KCNQ3: variants seen among roughly 807,000 people sequenced by gnomAD.
KCNQ3 encodes potassium voltage-gated channel subfamily Q member 3, also known as potassium voltage-gated channel subfamily KQT member 3.
A neutral mutation model predicts 92.5 loss-of-function variants in KCNQ3; 30 were observed. That is an observed-to-expected ratio of 0.32 (90% CI 0.24 to 0.44). The LOEUF (loss-of-function observed/expected upper bound fraction) is 0.44. Ranked by LOEUF, KCNQ3 falls within the 20% of genes least tolerant of loss-of-function variation. KCNQ3 has a pLI of 1.00. For synonymous variants in KCNQ3, 450 were observed against 468.8 expected (o/e 0.96, Z 0.52); for missense variants, 913 against 1,140.3 (o/e 0.80, Z 2.87).
chr8:132,239,387 T>G (rs1814916125), intron 1 of KCNQ3, among the ~76,000 whole-genome samples: 1 of 152,228 alleles, frequency 6.6e-6, no homozygotes, highest in Non-Finnish European at 1.5e-5. Context: ...TTAACACCTC[T>G]GTAAGTACCA....
intron 1 of KCNQ3, among the ~76,000 whole-genome samples, chr8:132,311,439 G>A (rs540567702): frequency 7.0e-4 from 106 of 152,278 alleles, no homozygotes; most frequent in African/African-American, 2.3e-3. Context: ...TGTGTAAACC[G>A]TCCTTAAGGA....
At chr8:132,466,972 C>A (rs1165409367) in intron 1 of KCNQ3, among the ~76,000 whole-genome samples, 1 of 152,182 alleles carries the variant, frequency 6.6e-6, no homozygotes, top group Non-Finnish European at 1.5e-5. Context: ...GGCTCAGTGT[C>A]GGCTTCTGGT....
intron 1 of KCNQ3, among the ~76,000 whole-genome samples, chr8:132,230,463 GA>G (rs1563815465): frequency 6.6e-6 from 1 of 151,478 alleles, no homozygotes; most frequent in Non-Finnish European, 1.5e-5. Context: ...GAGAGAGAGA[GA>G]GAGAGAGAGA....
chr8:132,257,268 T>C (rs1442042577), intron 1 of KCNQ3, among the ~76,000 whole-genome samples: 1 of 152,056 alleles, frequency 6.6e-6, no homozygotes, highest in Non-Finnish European at 1.5e-5. Flanking sequence ...ATTAAAGCAG[T>C]GCACTAGACA....
At chr8:132,392,790 CAAAAAA>C (rs56183412) in intron 1 of KCNQ3, among the ~76,000 whole-genome samples, 4 of 72,646 alleles carry the variant, frequency 5.5e-5, no homozygotes, top group Non-Finnish European at 9.2e-5. Flanking sequence ...GAACCTGTCT[CAAAAAA>C]AAAAAAAAAA....
chr8:132,346,228 C>T (rs993416696), intron 1 of KCNQ3, among the ~76,000 whole-genome samples: 3 of 152,112 alleles, frequency 2.0e-5, no homozygotes, highest in African/African-American at 7.2e-5. Context: ...AGCTAATCTA[C>T]AAGTGGGTCT....
rs528597885 is a variant in KCNQ3, at chr8:132,125,300, T to G, written c.*3962A>C. 3 of 152,360 alleles carry G rather than the reference T, an allele frequency of 2.0e-5. No homozygotes were observed. In the East Asian group the frequency reaches 5.8e-4, roughly 29 times the overall value. The allele number at this position is 152,360 out of a possible 1,614,324, so 9.4% of individuals were successfully genotyped here. A position where few individuals can be genotyped will look rare whatever the true frequency, so the allele number is the denominator to read the frequency against. ...TGATGTAGAACCTTTGCTCTCATTT[T>G]CATGTTCAATTTTCTATAGTTTCCA... On this transcript the variant is annotated 3_prime_UTR_variant, in exon 15 of 15. Transcript: ENST00000388996.
At chr8:132,454,086 G>A (rs770714515) in intron 1 of KCNQ3, among the ~76,000 whole-genome samples, 2 of 152,344 alleles carry the variant, frequency 1.3e-5, no homozygotes, top group Non-Finnish European at 1.5e-5. Context: ...GCTCTTACTT[G>A]CAAGAGAACC....
chr8:132,355,814 C>G (rs1386851150), intron 1 of KCNQ3, among the ~76,000 whole-genome samples: 1 of 152,212 alleles, frequency 6.6e-6, no homozygotes, highest in Non-Finnish European at 1.5e-5. Flanking sequence ...TCTAGGCTTA[C>G]TGGACCTCTG....
chr8:132,354,428 A>G (rs1818959822), intron 1 of KCNQ3, among the ~76,000 whole-genome samples: 1 of 152,200 alleles, frequency 6.6e-6, no homozygotes, highest in Non-Finnish European at 1.5e-5. Flanking sequence ...TGGCTTGGTA[A>G]GAAAGGAATC....
intron 1 of KCNQ3, among the ~76,000 whole-genome samples, chr8:132,290,330 C>T (rs755527653): frequency 1.3e-5 from 2 of 152,108 alleles, no homozygotes; most frequent in Non-Finnish European, 2.9e-5. Context: ...AAGGTGGAGG[C>T]CATTCCAGGT....
rs200457183 is a variant in KCNQ3, at chr8:132,211,952, C to CAAA, written c.387-25774_387-25772dup. Among the ~76,000 whole-genome samples the CAAA allele has an allele frequency of 2.3e-3, 141 of 62,628 alleles. 2 individuals are homozygous for CAAA. Among genetic ancestry groups the CAAA allele is most frequent in the African/African-American group, 5.7e-3 (131 of 22,958 alleles). 41.1% of individuals were successfully genotyped at this position (62,628 alleles called of 152,430 possible). On this transcript the variant is annotated intron_variant, in intron 1 of 14. Coordinates refer to ENST00000388996, the MANE Select transcript of KCNQ3 (RefSeq NM_004519.4). Reference sequence around the variant, plus strand: ...TGAGTGACAGTGCTAGACTCCATCTCAAAAAAAAAAAAAAAAAAAACTTTT... The same window carrying CAAA: ...TGAGTGACAGTGCTAGACTCCATCTCAAAAAAAAAAAAAAAAAAAAAAACTTTT...
At chr8:132,257,589 A>G (rs764409334) in intron 1 of KCNQ3, among the ~76,000 whole-genome samples, 12 of 151,906 alleles carry the variant, frequency 7.9e-5, no homozygotes, top group Non-Finnish European at 1.8e-4. Context: ...ACTAAAAAAA[A>G]TACAAAAATT....
chr8:132,343,302 T>C (rs1309718609), intron 1 of KCNQ3, among the ~76,000 whole-genome samples: 1 of 152,192 alleles, frequency 6.6e-6, no homozygotes, highest in Admixed American at 6.5e-5. Flanking sequence ...GGAAGACACA[T>C]CTTTGTTTAT....
At chr8:132,341,555 T>C (rs1038755111) in intron 1 of KCNQ3, among the ~76,000 whole-genome samples, 18 of 152,208 alleles carry the variant, frequency 1.2e-4, no homozygotes, top group Admixed American at 9.2e-4. Flanking sequence ...TGCAATTTGA[T>C]AACTGAACGA....
At chr8:132,353,774 A>G (rs1818941289) in intron 1 of KCNQ3, among the ~76,000 whole-genome samples, 1 of 152,198 alleles carries the variant, frequency 6.6e-6, no homozygotes, top group Non-Finnish European at 1.5e-5. Flanking sequence ...AGATCATGCC[A>G]CTGCACTCCA....
intron 3 of KCNQ3, among the ~76,000 whole-genome samples, chr8:132,180,831 A>G (rs1586806728): frequency 3.6e-5 from 2 of 56,044 alleles, no homozygotes; most frequent in South Asian, 9.7e-4. Flanking sequence ...GAGAGAGAGA[A>G]TGTTAAAAAA....
intron 1 of KCNQ3, among the ~76,000 whole-genome samples, chr8:132,282,191 T>C (rs1249158901): frequency 6.6e-6 from 1 of 152,176 alleles, no homozygotes; most frequent in East Asian, 1.9e-4. Flanking sequence ...CAGCAGAGTT[T>C]CAAAACACTA....
chr8:132,248,970 G>A (rs1396215304), intron 1 of KCNQ3, among the ~76,000 whole-genome samples: 1 of 152,308 alleles, frequency 6.6e-6, no homozygotes, highest in East Asian at 1.9e-4. Flanking sequence ...CTCGCGGTGA[G>A]CGTTACAGTT....
Sources: allele counts gnomAD v4.1 joint callset (sites outside exome capture counted in the v4.1 genomes callset), GRCh38; gene constraint gnomAD v4.1.1; transcripts MANE v1.5; gene names NCBI Gene and HGNC (gene_info 2026-07-23, HGNC 2026-07-21).